Variants in BIN3 observed in about 807,000 individuals in gnomAD.
BIN3 encodes bridging integrator 3.
A neutral mutation model predicts 38.2 loss-of-function variants in BIN3; 41 were observed. That is an observed-to-expected ratio of 1.07 (90% CI 0.84 to 1.39). The LOEUF (loss-of-function observed/expected upper bound fraction) is 1.39, where lower values mean the gene tolerates loss of function less well. BIN3 is among the 40% of genes most tolerant of loss of function. The pLI, the probability that BIN3 is intolerant of heterozygous loss-of-function variation, is 0.00. For missense variants in BIN3, 361 were observed against 324.3 expected, an observed-to-expected ratio of 1.11 and a Z score of -0.87; for synonymous variants, 145 against 122.6, an observed-to-expected ratio of 1.18 and a Z score of -1.21.
At chr8:22,628,890 C>G (rs7843758) in intron 6 of BIN3, among the ~76,000 whole-genome samples, 1 of 152,168 alleles carries the variant, frequency 6.6e-6, no homozygotes, top group Non-Finnish European at 1.5e-5. Context: ...CAGCTCCCTA[C>G]GCAACCCTGT....
intron 8 of BIN3, 46 bp downstream of exon 8, chr8:22,623,869 G>C (rs766049744): frequency 6.3e-7 from 1 of 1,595,080 alleles, no homozygotes; most frequent in South Asian, 1.1e-5. Flanking sequence ...GGAGTGGCAT[G>C]AGCTGTGTAT....
chr8:22,655,192 G>C (rs1015318688), intron 1 of BIN3, among the ~76,000 whole-genome samples: 1 of 152,100 alleles, frequency 6.6e-6, no homozygotes, highest in Non-Finnish European at 1.5e-5. Flanking sequence ...CTGGGTATTA[G>C]CCCATAATCA....
intron 1 of BIN3, 49 bp from the exon 2 acceptor site, chr8:22,644,852 T>C: frequency 6.5e-7 from 1 of 1,540,728 alleles, no homozygotes; most frequent in Non-Finnish European, 8.9e-7. Context: ...TGGGGAAGGA[T>C]GCAGCTCAAA....
intron 8 of BIN3, among the ~76,000 whole-genome samples, chr8:22,621,835 A>G (rs1801832326): frequency 6.6e-6 from 1 of 152,126 alleles, no homozygotes; most frequent in South Asian, 2.1e-4. Context: ...GCAGGAAGGC[A>G]TGGGCCTCCT....
At chr8:22,628,664 G>C (rs1802082413) in intron 6 of BIN3, among the ~76,000 whole-genome samples, 1 of 152,240 alleles carries the variant, frequency 6.6e-6, no homozygotes, top group African/African-American at 2.4e-5. Context: ...TGAGGTGGGA[G>C]TCAGTTCCCC....
At chr8:22,656,852 T>C (rs147846089) in intron 1 of BIN3, among the ~76,000 whole-genome samples, 2 of 152,236 alleles carry the variant, frequency 1.3e-5, no homozygotes, top group Non-Finnish European at 2.9e-5. Context: ...TTTCCTAATA[T>C]TGAGCCATCC....
chr8:22,653,586 A>C (rs894795388), intron 1 of BIN3, among the ~76,000 whole-genome samples: 3 of 152,196 alleles, frequency 2.0e-5, no homozygotes, highest in African/African-American at 7.2e-5. Flanking sequence ...CGTACAGTTA[A>C]AACAGTATAC....
chr8:22,621,539 G>C lies in BIN3; in HGVS notation c.645C>G (p.Ile215Met). 1 of 1,613,864 alleles carries C rather than the reference G, an allele frequency of 6.2e-7. No individual in the cohort carries two copies. The highest frequency in any genetic ancestry group is 8.5e-7 in the Non-Finnish European group (1 of 1,179,890). Residue 215 changes from isoleucine to methionine, a missense_variant, in exon 9 of 9, where the codon ATC (isoleucine) becomes ATG (methionine). Transcript: ENST00000276416. Reference protein sequence around the residue: ...QVVYYSEMHKIFGDLSHQLDQ... With the variant: ...QVVYYSEMHKMFGDLSHQLDQ... ...CAAGCTGATGGGACAGGTCTCCAAA[G>C]ATCTTGTGCATTTCCGAGTAGTACA...
chr8:22,631,495 T>C (rs548207946), intron 4 of BIN3, among the ~76,000 whole-genome samples: 13 of 152,216 alleles, frequency 8.5e-5, no homozygotes, highest in East Asian at 5.8e-4. Flanking sequence ...CTAGCGGAAA[T>C]GTAGTTTGGT....
At chr8:22,666,215 G>A (rs925131278) in intron 1 of BIN3, among the ~76,000 whole-genome samples, 3 of 151,952 alleles carry the variant, frequency 2.0e-5, no homozygotes, top group Non-Finnish European at 4.4e-5. Flanking sequence ...TTAGATTGAG[G>A]TCACTATTCT....
chr8:22,655,521 T>C (rs530920928), intron 1 of BIN3, among the ~76,000 whole-genome samples: 5 of 152,330 alleles, frequency 3.3e-5, no homozygotes, highest in Admixed American at 2.6e-4. Context: ...CAGCACTGTT[T>C]GTTGAAGATT....
At chr8:22,649,146 A>G (rs1422865500) in intron 1 of BIN3, among the ~76,000 whole-genome samples, 1 of 152,044 alleles carries the variant, frequency 6.6e-6, no homozygotes, top group Non-Finnish European at 1.5e-5. Context: ...TAATCCCCCA[A>G]ATCTAGACTC....
In BIN3 at chr8:22,624,000, C is replaced by T. The variant is rs1429595506; in HGVS notation, c.530G>A (p.Arg177Lys). The change falls in exon 8 of 9, where the codon AGG (arginine) becomes AAG (lysine). Residue 177 changes from arginine to lysine, a missense_variant. By Grantham distance (26) the Arg-to-Lys change is conservative. Coordinates refer to ENST00000276416, the MANE Select transcript of BIN3 (RefSeq NM_018688.6). Reference protein sequence around the residue: ...PVREDFEAKNRQLLEEMPRFY... With the variant: ...PVREDFEAKNKQLLEEMPRFY... ...GCGCGGCATCTCCTCCAGCAGCTGC[C>T]TGTTCTTGGCTTCAAAGTCCTCCCG... 1.2e-6 allele frequency: 2 copies of T among 1,612,854 alleles called. No homozygotes were observed. Among genetic ancestry groups the T allele is most frequent in the Admixed American group, 1.7e-5 (1 of 59,972 alleles).
intron 1 of BIN3, among the ~76,000 whole-genome samples, chr8:22,653,404 A>G (rs573606013): frequency 9.8e-5 from 15 of 152,338 alleles, no homozygotes; most frequent in African/African-American, 3.4e-4. Context: ...TGATTTCTAC[A>G]TATTTAAGCA....
intron 4 of BIN3, among the ~76,000 whole-genome samples, chr8:22,631,490 G>A (rs904830735): frequency 4.6e-5 from 7 of 152,306 alleles, no homozygotes; most frequent in East Asian, 3.9e-4. Context: ...GATGTCTAGC[G>A]GAAATGTAGT....
At chr8:22,655,805 T>C (rs948839424) in intron 1 of BIN3, among the ~76,000 whole-genome samples, 6 of 152,160 alleles carry the variant, frequency 3.9e-5, no homozygotes, top group African/African-American at 1.4e-4. Context: ...TTTGCTGCAT[T>C]TAGAGTTTGA....
At chr8:22,651,977 C>T (rs927170010) in intron 1 of BIN3, among the ~76,000 whole-genome samples, 1 of 145,386 alleles carries the variant, frequency 6.9e-6, no homozygotes, top group African/African-American at 2.5e-5. Context: ...TCTTCTAACG[C>T]TTCTACCAAG....
At chr8:22,661,285 T>G (rs1168437010) in intron 1 of BIN3, among the ~76,000 whole-genome samples, 2 of 150,532 alleles carry the variant, frequency 1.3e-5, no homozygotes, top group Non-Finnish European at 3.0e-5. Context: ...TAAGTCCATA[T>G]GCAAAATATA....
intron 4 of BIN3, among the ~76,000 whole-genome samples, chr8:22,631,504 G>A (rs894449323): frequency 6.6e-6 from 1 of 152,194 alleles, no homozygotes; most frequent in African/African-American, 2.4e-5. Flanking sequence ...ATGTAGTTTG[G>A]TTCCATTTTA....
Sources: gnomAD v4.1 joint callset for allele counts (sites outside exome capture counted in the v4.1 genomes callset) on GRCh38, gnomAD v4.1.1 for gene constraint, MANE v1.5 for transcripts, NCBI Gene and HGNC (gene_info 2026-07-23, HGNC 2026-07-21) for gene names.